Variants in EPB41L4B observed in about 807,000 individuals in gnomAD.
EPB41L4B encodes erythrocyte membrane protein band 4.1 like 4B, also known as band 4.1-like protein 4B.
EPB41L4B carries 30 observed loss-of-function variants against 112.5 expected under a neutral mutation model. That is an observed-to-expected ratio of 0.27 (90% confidence interval 0.20 to 0.36). The LOEUF (loss-of-function observed/expected upper bound fraction) is 0.36. EPB41L4B is among the 10% of genes least tolerant of loss of function. The pLI, the probability that EPB41L4B is intolerant of heterozygous loss-of-function variation, is 1.00. For synonymous variants in EPB41L4B, 408 were observed against 439.7 expected (o/e 0.93, Z 0.90); for missense variants, 1,024 against 1,133.3 (o/e 0.90, Z 1.38).
At position 109,316,038 on chromosome 9, in the gene EPB41L4B, C is replaced by T. The variant is rs116750518; in HGVS notation, c.306+4103G>A. 3.7e-3 allele frequency among the ~76,000 whole-genome samples: 568 copies of T among 152,240 alleles called. 2 individuals are homozygous for T. The highest frequency in any genetic ancestry group is 0.013 in the African/African-American group (543 of 41,522). On this transcript the variant is annotated intron_variant, in intron 1 of 25. Coordinates refer to ENST00000374566, the MANE Select transcript of EPB41L4B (RefSeq NM_019114.5). The stretch of plus-strand genomic sequence containing the variant: ...TTACAACCTACTAGCAACCTTTCAG[C>T]ACTCTGTTGCACCATGAGGCCTTCC...
At chr9:109,319,756 C>G (rs1837777507) in intron 1 of EPB41L4B, among the ~76,000 whole-genome samples, 1 of 152,130 alleles carries the variant, frequency 6.6e-6, no homozygotes, top group African/African-American at 2.4e-5. Context: ...CCCAATAACC[C>G]AGTATCAGGA....
intron 13 of EPB41L4B, among the ~76,000 whole-genome samples, chr9:109,249,845 C>T (rs969640440): frequency 6.6e-6 from 1 of 152,200 alleles, no homozygotes; most frequent in South Asian, 2.1e-4. Flanking sequence ...AACAGGACCC[C>T]TGAGCCCCTT....
chr9:109,313,226 C>A (rs979732958), intron 1 of EPB41L4B, among the ~76,000 whole-genome samples: 13 of 152,240 alleles, frequency 8.5e-5, no homozygotes, highest in Non-Finnish European at 1.8e-4. Context: ...CTCTCCGATA[C>A]CCCTCCCCCA....
At chr9:109,267,645 A>T in intron 3 of EPB41L4B, 94 bp from the exon 4 acceptor site, 1 of 814,620 alleles carries the variant, frequency 1.2e-6, no homozygotes, top group Non-Finnish European at 2.1e-6. Context: ...AATCTATAAC[A>T]TTTAGCACAA....
At chr9:109,276,154 TACACACACACACACAC>T (rs66791042) in intron 2 of EPB41L4B, among the ~76,000 whole-genome samples, 27,061 of 141,610 alleles carry the variant, frequency 0.19, 2,877 homozygotes, top group Non-Finnish European at 0.22. Context: ...CGTGTGTGTA[TACACACACACACACAC>T]ACACACACAC....
chr9:109,209,409 C>T lies in EPB41L4B; in HGVS notation c.1753-1360G>A, dbSNP rs150510169. ...GGCACGGTGGCTCACACTTGTAATC[C>T]CAGCGCTTTGGGAGGCCGGGGCGGG... is the stretch of plus-strand genomic sequence containing the variant. On this transcript the variant is annotated intron_variant, in intron 17 of 25. Coordinates refer to ENST00000374566, the MANE Select transcript of EPB41L4B (RefSeq NM_019114.5). Among the ~76,000 whole-genome samples the T allele has an allele frequency of 7.4e-3, 1,125 of 151,840 alleles. 7 individuals are homozygous for T. The highest frequency in any genetic ancestry group is 0.037 in the Middle Eastern group (11 of 294).
chr9:109,279,444 T>C (rs1180825521), intron 2 of EPB41L4B, among the ~76,000 whole-genome samples: 1 of 152,174 alleles, frequency 6.6e-6, no homozygotes. Flanking sequence ...TTTGAACTCC[T>C]GGACTCAAGC....
chr9:109,282,055 G>C (rs1238177023), intron 1 of EPB41L4B, among the ~76,000 whole-genome samples: 1 of 152,116 alleles, frequency 6.6e-6, no homozygotes, highest in African/African-American at 2.4e-5. Flanking sequence ...CTATCATTTG[G>C]CCGTAAAAAA....
intron 22 of EPB41L4B, among the ~76,000 whole-genome samples, chr9:109,189,314 A>G (rs1229362836): frequency 6.6e-6 from 1 of 152,214 alleles, no homozygotes; most frequent in African/African-American, 2.4e-5. Context: ...TGGGAAAAGG[A>G]GGGGGAAGAA....
intron 4 of EPB41L4B, among the ~76,000 whole-genome samples, 195 bp downstream of exon 4, chr9:109,267,278 C>A (rs1408875824): frequency 6.6e-6 from 1 of 152,164 alleles, no homozygotes; most frequent in African/African-American, 2.4e-5. Flanking sequence ...AATTTCTATT[C>A]ACTCAGAAAA....
intron 24 of EPB41L4B, among the ~76,000 whole-genome samples, chr9:109,177,154 G>GT (rs1179622334): frequency 4.6e-5 from 7 of 152,342 alleles, no homozygotes; most frequent in Non-Finnish European, 1.0e-4. Flanking sequence ...CACACAGTTA[G>GT]TAAGTGTTAA....
intron 1 of EPB41L4B, among the ~76,000 whole-genome samples, chr9:109,283,953 T>C (rs565368148): frequency 1.3e-5 from 2 of 150,946 alleles, no homozygotes; most frequent in Non-Finnish European, 2.9e-5. Context: ...AAAAAATTAG[T>C]TGGGCATGGT....
At chr9:109,303,761 C>T (rs557863785) in intron 1 of EPB41L4B, among the ~76,000 whole-genome samples, 1 of 152,154 alleles carries the variant, frequency 6.6e-6, no homozygotes, top group South Asian at 2.1e-4. Context: ...CCACCTTGGT[C>T]TCCCTAAATG....
intron 1 of EPB41L4B, among the ~76,000 whole-genome samples, chr9:109,297,669 C>T (rs557738953): frequency 7.2e-5 from 11 of 152,356 alleles, no homozygotes; most frequent in East Asian, 1.9e-4. Flanking sequence ...GGCCTCGCTG[C>T]GTGGCAGCCC....
intron 1 of EPB41L4B, among the ~76,000 whole-genome samples, chr9:109,298,917 G>A (rs1433364768): frequency 6.6e-6 from 1 of 152,124 alleles, no homozygotes; most frequent in Non-Finnish European, 1.5e-5. Context: ...CCCTGCAAGA[G>A]TACCACCAGA....
At position 109,320,330 on chromosome 9, in the gene EPB41L4B, C is replaced by T; in HGVS notation, c.117G>A (p.Gly39=). ...AGGAGGAGGCGGCGGCGGCCGGGCCCCCCCGTGGCCCCCCATCGCGCTCGT... is the reference window on the plus strand; with the variant it reads ...AGGAGGAGGCGGCGGCGGCCGGGCCTCCCCGTGGCCCCCCATCGCGCTCGT... The part of the protein sequence containing the change: ...LGDERDGGPR[G]GPAAAASSSA... The change falls in exon 1 of 26, where the codon GGG becomes GGA. Residue 39 remains glycine (G), a synonymous_variant. Transcript: ENST00000374566. 1 of 988,846 alleles carries T rather than the reference C, an allele frequency of 1.0e-6. No individual in the cohort carries two copies. The highest frequency in any genetic ancestry group is 1.2e-6 in the Non-Finnish European group (1 of 833,376). The allele number at this position is 988,846 out of a possible 1,614,324, so 61.3% of individuals were successfully genotyped here. A position where few individuals can be genotyped will look rare whatever the true frequency, so the allele number is the denominator to read the frequency against.
At chr9:109,233,668 T>A (rs1427585291) in intron 15 of EPB41L4B, among the ~76,000 whole-genome samples, 2 of 151,748 alleles carry the variant, frequency 1.3e-5, no homozygotes, top group Admixed American at 6.6e-5. Context: ...GTAGCTGGGG[T>A]TACAGGCATG....
rs3838723 is a variant in EPB41L4B, at chr9:109,295,837, G to GT, written c.307-15917dup. On this transcript the variant is annotated intron_variant, in intron 1 of 25. Transcript: ENST00000374566. ...GTGGTTTAGGTAATTCTTTTTTTCT[G>GT]TTTTTTTTTCTTTTTTGTGGCAAAT... is the stretch of plus-strand genomic sequence containing the variant. 8.2e-3 allele frequency among the ~76,000 whole-genome samples: 1,229 copies of GT among 149,878 alleles called. 24 individuals are homozygous for GT. The East Asian group carries it at 0.098, about 12-fold the overall frequency.
intron 24 of EPB41L4B, among the ~76,000 whole-genome samples, chr9:109,181,531 A>C (rs1214661434): frequency 1.3e-5 from 2 of 152,320 alleles, no homozygotes; most frequent in East Asian, 1.9e-4. Flanking sequence ...TCTTACTACT[A>C]CTTTCACCTT....
Sources: allele counts gnomAD v4.1 joint callset (sites outside exome capture counted in the v4.1 genomes callset), GRCh38; gene constraint gnomAD v4.1.1; transcripts MANE v1.5; gene names NCBI Gene and HGNC (gene_info 2026-07-23, HGNC 2026-07-21).